RPS6KC1: variants seen among roughly 807,000 people sequenced by gnomAD.
RPS6KC1 encodes the protein ribosomal protein S6 kinase C1.
RPS6KC1 carries 54 observed loss-of-function variants against 103.8 expected under a neutral mutation model. That is an observed-to-expected ratio of 0.52 (90% confidence interval 0.42 to 0.65). The LOEUF is 0.65. Ranked by LOEUF, RPS6KC1 falls within the 30% of genes least tolerant of loss-of-function variation. The pLI is 0.00. For missense variants in RPS6KC1, 1,151 were observed against 1,253.8 expected, an observed-to-expected ratio of 0.92 and a Z score of 1.24; for synonymous variants, 439 against 438.7, an observed-to-expected ratio of 1.00 and a Z score of -0.01.
intron 6 of RPS6KC1, among the ~76,000 whole-genome samples, chr1:213,155,491 G>A (rs2089777849): frequency 6.6e-6 from 1 of 152,096 alleles, no homozygotes; most frequent in East Asian, 1.9e-4. Flanking sequence ...TCTTGGGTGG[G>A]CTTTAGCTGA....
At chr1:213,246,546 C>T (rs2094456851) in intron 12 of RPS6KC1, among the ~76,000 whole-genome samples, 1 of 152,096 alleles carries the variant, frequency 6.6e-6, no homozygotes, top group Non-Finnish European at 1.5e-5. Flanking sequence ...TGTTTTTACA[C>T]ACATACACAC....
intron 7 of RPS6KC1, among the ~76,000 whole-genome samples, chr1:213,171,772 AATAGGT>A (rs1322112391): frequency 1.3e-5 from 2 of 152,216 alleles, no homozygotes; most frequent in Non-Finnish European, 2.9e-5. Context: ...TTAAGTCAGT[AATAGGT>A]CTGCAATTTA....
the RPS6KC1 span, among the ~76,000 whole-genome samples, chr1:213,385,157 T>G: frequency 6.6e-6 from 1 of 152,174 alleles, no homozygotes; most frequent in Non-Finnish European, 1.5e-5. Flanking sequence ...AGATGACAGA[T>G]GATGATAAGC....
chr1:213,236,135 A>G (rs765751762), intron 10 of RPS6KC1, among the ~76,000 whole-genome samples: 2 of 152,150 alleles, frequency 1.3e-5, no homozygotes, highest in Non-Finnish European at 2.9e-5. Flanking sequence ...TGGGAATCTA[A>G]TGCCTGATGA....
Position 213,113,132 on chromosome 1 carries a change from T to G in RPS6KC1, c.379-4185T>G, listed in dbSNP as rs1024431320. ...TTCTAGTTCTAGATCCCTGAGGAAT[T>G]GCCACACTGACTTCCACAATGGTTG... On this transcript the variant is annotated intron_variant, in intron 4 of 14. Coordinates refer to ENST00000366960, the MANE Select transcript of RPS6KC1 (RefSeq NM_012424.6). Among the ~76,000 whole-genome samples, 5 of 152,040 alleles carry G rather than the reference T, an allele frequency of 3.3e-5. No individual in the cohort carries two copies. In the East Asian group the frequency reaches 9.6e-4, roughly 29 times the overall value.
chr1:213,279,020 G>A (rs753856002), downstream of RPS6KC1, among the ~76,000 whole-genome samples: 3 of 152,102 alleles, frequency 2.0e-5, no homozygotes, highest in Non-Finnish European at 2.9e-5. Context: ...CGTAGATAAC[G>A]TGAATTTAAA....
chr1:213,352,611 A>C, the RPS6KC1 span, among the ~76,000 whole-genome samples: 4 of 152,332 alleles, frequency 2.6e-5, 1 homozygote, highest in Admixed American at 2.6e-4. Context: ...GGCTCTTTGA[A>C]GCTTCTCAGT....
the RPS6KC1 span, among the ~76,000 whole-genome samples, chr1:213,398,502 C>T: frequency 1.9e-4 from 29 of 152,224 alleles, no homozygotes; most frequent in East Asian, 2.3e-3. Context: ...TTTTCATTCA[C>T]GGGAATGGGT....
intron 6 of RPS6KC1, among the ~76,000 whole-genome samples, chr1:213,133,050 G>GT (rs2085832881): frequency 6.6e-6 from 1 of 152,140 alleles, no homozygotes; most frequent in African/African-American, 2.4e-5. Context: ...CCTGATAGTG[G>GT]TAACTTTGAA....
the RPS6KC1 span, among the ~76,000 whole-genome samples, chr1:213,519,566 G>T: frequency 6.6e-6 from 1 of 152,186 alleles, no homozygotes; most frequent in Non-Finnish European, 1.5e-5. Flanking sequence ...AGTGTACATT[G>T]TAAAATGAAT....
chr1:213,530,310 C>T, the RPS6KC1 span, among the ~76,000 whole-genome samples: 1 of 152,140 alleles, frequency 6.6e-6, no homozygotes, highest in Non-Finnish European at 1.5e-5. Flanking sequence ...TCTTCTTCAC[C>T]TACGTCATCC....
At chr1:213,504,717 G>A in the RPS6KC1 span, among the ~76,000 whole-genome samples, 1 of 152,034 alleles carries the variant, frequency 6.6e-6, no homozygotes, top group African/African-American at 2.4e-5. Flanking sequence ...ATCATTTAGT[G>A]TTGCTTTTGG....
the RPS6KC1 span, among the ~76,000 whole-genome samples, chr1:213,537,367 T>C: frequency 6.6e-6 from 1 of 152,234 alleles, no homozygotes; most frequent in South Asian, 2.1e-4. Flanking sequence ...GTTTGCTTAA[T>C]TGGAAGGGGG....
At chr1:213,077,638 G>A in intron 2 of RPS6KC1, 58 bp from the exon 3 acceptor site, 1 of 1,097,930 alleles carries the variant, frequency 9.1e-7, no homozygotes, top group East Asian at 2.7e-5. Flanking sequence ...ATTATTTGTT[G>A]TTCAGATATC....
chr1:213,109,539 C>G (rs1490277809), intron 4 of RPS6KC1, among the ~76,000 whole-genome samples: 1 of 152,072 alleles, frequency 6.6e-6, no homozygotes, highest in African/African-American at 2.4e-5. Flanking sequence ...TCTTATGATG[C>G]TGTTTTGAAT....
At chr1:213,798,844 T>C in the RPS6KC1 span, among the ~76,000 whole-genome samples, 2 of 152,208 alleles carry the variant, frequency 1.3e-5, no homozygotes, top group Non-Finnish European at 2.9e-5. Flanking sequence ...TCATATTTCC[T>C]ATTCAGGCAA....
chr1:213,308,331 AAAAGAG>A, the RPS6KC1 span, among the ~76,000 whole-genome samples: 41 of 151,574 alleles, frequency 2.7e-4, no homozygotes, highest in East Asian at 7.7e-3. Flanking sequence ...AAAAAAAAAA[AAAAGAG>A]AGAAAGAAGA....
intron 14 of RPS6KC1, among the ~76,000 whole-genome samples, chr1:213,263,119 G>A (rs1302088606): frequency 6.6e-6 from 1 of 152,066 alleles, no homozygotes; most frequent in Non-Finnish European, 1.5e-5. Flanking sequence ...CTTGTCTGAG[G>A]CTGCTCTAAT....
At chr1:213,133,261 TA>T (rs1213140032) in intron 6 of RPS6KC1, among the ~76,000 whole-genome samples, 3 of 152,218 alleles carry the variant, frequency 2.0e-5, no homozygotes, top group African/African-American at 7.2e-5. Flanking sequence ...CTTGTTTATA[TA>T]TTACTGAAAG....
Sources: gnomAD v4.1 joint callset for allele counts (sites outside exome capture counted in the v4.1 genomes callset) on GRCh38, gnomAD v4.1.1 for gene constraint, MANE v1.5 for transcripts, NCBI Gene and HGNC (gene_info 2026-07-23, HGNC 2026-07-21) for gene names.